The following BIK variants were observed in gnomAD, a reference collection of about 807,000 sequenced individuals.
BIK encodes bcl-2-interacting killer.
In BIK, 14 loss-of-function variants were observed where a neutral mutation model predicts 12.1. The ratio of observed to expected loss-of-function variants is 1.16; its 90% CI spans 0.77 to 1.81. The LOEUF is 1.81. Among genes scored for constraint, BIK ranks in the 40% most tolerant of loss-of-function variants. BIK has a pLI of 0.00. For missense variants in BIK, 215 were observed against 207.9 expected (o/e 1.03, Z -0.21); for synonymous variants, 86 against 92.3 (o/e 0.93, Z 0.39).
At chr22:43,119,750 G>A (rs911551480) in intron 1 of BIK, among the ~76,000 whole-genome samples, 1 of 152,116 alleles carries the variant, frequency 6.6e-6, no homozygotes, top group Non-Finnish European at 1.5e-5. Flanking sequence ...GCCCAGGCGG[G>A]AGTTGAAGCC....
At chr22:43,120,016 C>T (rs6519362) in intron 1 of BIK, among the ~76,000 whole-genome samples, 24,254 of 152,118 alleles carry the variant, frequency 0.16, 2,198 homozygotes, top group African/African-American at 0.24. Context: ...GACCAATAGG[C>T]GTAGGCATGG....
chr22:43,129,134 C>G, intron 4 of BIK, 79 bp from the exon 5 acceptor site: 1 of 1,597,726 alleles, frequency 6.3e-7, no homozygotes, highest in South Asian at 1.1e-5. Context: ...TGGGCTTCCC[C>G]TTGGCACTCC....
intron 1 of BIK, among the ~76,000 whole-genome samples, chr22:43,119,117 A>G (rs2147020739): frequency 6.6e-6 from 1 of 151,610 alleles, no homozygotes; most frequent in South Asian, 2.1e-4. Context: ...TTTTCTGCAC[A>G]TACTAGATTT....
At chr22:43,118,736 G>C (rs1930165003) in intron 1 of BIK, among the ~76,000 whole-genome samples, 1 of 152,126 alleles carries the variant, frequency 6.6e-6, no homozygotes, top group Admixed American at 6.6e-5. Flanking sequence ...GGAAGTGTCA[G>C]ATCCCGCCTG....
At chr22:43,119,434 T>C (rs1456985944) in intron 1 of BIK, among the ~76,000 whole-genome samples, 1 of 152,186 alleles carries the variant, frequency 6.6e-6, no homozygotes, top group African/African-American at 2.4e-5. Flanking sequence ...GGCCTTGGGC[T>C]GACAACCAGA....
intron 1 of BIK, among the ~76,000 whole-genome samples, chr22:43,116,741 G>T (rs577154303): frequency 3.4e-4 from 52 of 152,308 alleles, no homozygotes; most frequent in Admixed American, 1.4e-3. Flanking sequence ...ACAGGCGTAA[G>T]CCACCGTGCC....
chr22:43,119,202 C>A, intron 1 of BIK, among the ~76,000 whole-genome samples: 1 of 151,788 alleles, frequency 6.6e-6, no homozygotes, highest in Non-Finnish European at 1.5e-5. Flanking sequence ...GTGTAGGAGG[C>A]TAAGTGCGGG....
At chr22:43,123,892 G>A (rs1930262723) in intron 1 of BIK, 124 bp from the exon 2 acceptor site, 1 of 1,017,660 alleles carries the variant, frequency 9.8e-7, no homozygotes, top group African/African-American at 1.6e-5. Flanking sequence ...GGGGGATATT[G>A]ACGGCTTTAG....
intron 3 of BIK, 106 bp downstream of exon 3, chr22:43,127,901 G>A (rs1930351463): frequency 9.2e-7 from 1 of 1,087,532 alleles, no homozygotes; most frequent in Non-Finnish European, 1.3e-6. Flanking sequence ...GCTCTGTGGG[G>A]GATGTGCCTT....
intron 1 of BIK, among the ~76,000 whole-genome samples, chr22:43,115,863 T>C (rs1032834624): frequency 2.0e-5 from 3 of 151,964 alleles, no homozygotes; most frequent in African/African-American, 7.3e-5. Context: ...TTTAAGTGAT[T>C]CTCCTGCCTT....
chr22:43,125,949 T>TC (rs1930305566), intron 2 of BIK, among the ~76,000 whole-genome samples: 1 of 150,642 alleles, frequency 6.6e-6, no homozygotes, highest in South Asian at 2.1e-4. Flanking sequence ...TGCCAACTGC[T>TC]CCCAGCTATG....
At chr22:43,116,658 C>T (rs927961511) in intron 1 of BIK, among the ~76,000 whole-genome samples, 12 of 152,036 alleles carry the variant, frequency 7.9e-5, no homozygotes, top group Non-Finnish European at 1.6e-4. Flanking sequence ...AGAGTTTCAC[C>T]GTGTTAGCCA....
At chr22:43,112,493 C>A (rs1446110599) in intron 1 of BIK, among the ~76,000 whole-genome samples, 1 of 152,072 alleles carries the variant, frequency 6.6e-6, no homozygotes, top group Non-Finnish European at 1.5e-5. Context: ...CCCACCCCGC[C>A]CGGCTTGAGT....
intron 1 of BIK, among the ~76,000 whole-genome samples, chr22:43,114,683 T>G (rs1437038534): frequency 1.3e-5 from 2 of 152,160 alleles, no homozygotes; most frequent in Non-Finnish European, 2.9e-5. Flanking sequence ...GCTACCTGAT[T>G]CCAGGAGGAG....
chr22:43,128,221 G>A (rs1045106551), intron 3 of BIK, among the ~76,000 whole-genome samples: 6 of 152,102 alleles, frequency 3.9e-5, no homozygotes, highest in Admixed American at 1.3e-4. Context: ...TATTTTCCAC[G>A]TGGCCAGCTC....
intron 1 of BIK, among the ~76,000 whole-genome samples, chr22:43,113,912 A>T (rs1930060481): frequency 1.3e-5 from 2 of 152,198 alleles, no homozygotes; most frequent in Non-Finnish European, 2.9e-5. Context: ...GGTCACCAGG[A>T]AGCCAGCAGT....
intron 1 of BIK, among the ~76,000 whole-genome samples, chr22:43,118,493 C>T (rs1168648653): frequency 3.9e-5 from 6 of 152,190 alleles, no homozygotes; most frequent in Admixed American, 3.3e-4. Context: ...GGGGGTGGAA[C>T]TGAGGTCCAG....
At position 43,129,262 on chromosome 22, in the gene BIK, T is replaced by TAG; in HGVS notation, c.440_441insAG (p.Leu148GlyfsTer53). The stretch of plus-strand genomic sequence containing the variant: ...GCGCTGCTGCTGCTGCTGGCGCTGC[T>TAG]GCTGCCGCTGCTCAGCGGGGGCCTG... On this transcript the variant is annotated frameshift_variant, in exon 5 of 5. Transcript: ENST00000216115. LOFTEE classifies it high-confidence loss of function. 1 of 1,597,810 alleles carries TAG rather than the reference T, an allele frequency of 6.3e-7. No individual in the cohort carries two copies. Among genetic ancestry groups the TAG allele is most frequent in the African/African-American group, 1.3e-5 (1 of 74,514 alleles).
chr22:43,129,500 T>TAAAAAACGAAAA lies in BIK; in HGVS notation c.*195_*196insAAAAAACGAAAA. ...TTTTTTTATTCCAGTTTTCGTTTTT[T>TAAAAAACGAAAA]CTAAAAGATGAATTCCTATGGCTCT... On this transcript the variant is annotated 3_prime_UTR_variant, in exon 5 of 5. Coordinates refer to ENST00000216115, the MANE Select transcript of BIK (RefSeq NM_001197.5). 4.2e-6 allele frequency: 4 copies of TAAAAAACGAAAA among 947,402 alleles called. No individual in the cohort carries two copies. The African/African-American group carries it at 6.7e-5, about 16-fold the overall frequency. The allele number at this position is 947,402 out of a possible 1,614,324, so 58.7% of individuals were successfully genotyped here. A position where few individuals can be genotyped will look rare whatever the true frequency, so the allele number is the denominator to read the frequency against.
Sources: allele counts gnomAD v4.1 joint callset (sites outside exome capture counted in the v4.1 genomes callset), GRCh38; gene constraint gnomAD v4.1.1; transcripts MANE v1.5; gene names NCBI Gene and HGNC (gene_info 2026-07-23, HGNC 2026-07-21).